The following NDEL1 variants were observed in gnomAD, a reference collection of about 807,000 sequenced individuals.
NDEL1 encodes the protein nuclear distribution protein nudE-like 1.
NDEL1 carries 9 observed loss-of-function variants against 45.7 expected under a neutral mutation model. The ratio of observed to expected loss-of-function variants is 0.20; its 90% CI spans 0.12 to 0.34. NDEL1 has a LOEUF of 0.34. Among genes scored for constraint, NDEL1 ranks in the 10% least tolerant of loss-of-function variants. The probability of loss-of-function intolerance (pLI) is 1.00; values close to 1 mark genes in which losing one functional copy is unlikely to be tolerated. For missense variants in NDEL1, 306 were observed against 406.2 expected (o/e 0.75, Z 2.12); for synonymous variants, 133 against 158.6 (o/e 0.84, Z 1.21).
At chr17:8,460,939 A>ATTTTT (rs1480918847) in intron 8 of NDEL1, among the ~76,000 whole-genome samples, 1 of 152,052 alleles carries the variant, frequency 6.6e-6, no homozygotes, top group Non-Finnish European at 1.5e-5. Context: ...TTACTTATTT[A>ATTTTT]TTTTTAAATA....
chr17:8,470,990 G>A (rs1488751537), downstream of NDEL1, among the ~76,000 whole-genome samples: 2 of 152,194 alleles, frequency 1.3e-5, no homozygotes, highest in Non-Finnish European at 2.9e-5. The surrounding 1 kb of genome is among the most constrained non-coding windows in gnomAD (Gnocchi z 4.2). Context: ...GTGGAGCCAC[G>A]GCTTTAGGGA....
intron 7 of NDEL1, among the ~76,000 whole-genome samples, chr17:8,458,677 G>T (rs1018543483): frequency 1.3e-5 from 2 of 152,014 alleles, no homozygotes; most frequent in African/African-American, 4.8e-5. Flanking sequence ...GTAGGTCATT[G>T]TACTTTTGTC....
At chr17:8,471,410 CAG>C (rs1911830664), downstream of NDEL1, among the ~76,000 whole-genome samples, 1 of 152,248 alleles carries the variant, frequency 6.6e-6, no homozygotes, top group African/African-American at 2.4e-5. Flanking sequence ...CGCCTACTGA[CAG>C]TGATTGTGAG....
At chr17:8,451,218 T>C (rs1910486654) in intron 6 of NDEL1, among the ~76,000 whole-genome samples, 6 of 152,208 alleles carry the variant, frequency 3.9e-5, no homozygotes. Flanking sequence ...GCAATAGATT[T>C]TGTGATTACA....
chr17:8,435,781 G>C, upstream of NDEL1: 2 of 366,846 alleles, frequency 5.5e-6, no homozygotes, highest in South Asian at 3.8e-5. Flanking sequence ...CCCGCCCCCT[G>C]TGACACCAGC....
At chr17:8,428,631 G>A (rs1908917265) in intron 1 of NDEL1, among the ~76,000 whole-genome samples, 1 of 151,920 alleles carries the variant, frequency 6.6e-6, no homozygotes, top group South Asian at 2.1e-4. Flanking sequence ...CCAAAGTGCT[G>A]GGATTATAGG....
intron 1 of NDEL1, among the ~76,000 whole-genome samples, chr17:8,430,747 A>C (rs562879018): frequency 1.4e-4 from 21 of 152,232 alleles, no homozygotes; most frequent in South Asian, 1.2e-3. Flanking sequence ...CACCTTTTTT[A>C]CCACCACAAG....
At chr17:8,470,077 C>T (rs549110712), downstream of NDEL1, among the ~76,000 whole-genome samples, 1 of 152,104 alleles carries the variant, frequency 6.6e-6, no homozygotes, top group East Asian at 1.9e-4. This position sits in a 1 kb window ranked among gnomAD's most constrained non-coding sequence, Gnocchi z 4.2. Context: ...GCAGCCAACT[C>T]CCTGGCTCAT....
upstream of NDEL1, chr17:8,432,310 T>TATATATTTATATATAA (rs1386334591): frequency 2.9e-4 from 37 of 126,144 alleles, no homozygotes; most frequent in East Asian, 7.8e-3. Flanking sequence ...AAGAGATATA[T>TATATATTTATATATAA]ATATATATTT....
chr17:8,421,456 C>G (rs1908704596), intron 1 of NDEL1, among the ~76,000 whole-genome samples: 1 of 152,138 alleles, frequency 6.6e-6, no homozygotes, highest in South Asian at 2.1e-4. Context: ...ATGATGGAAG[C>G]AGCTATTGGA....
In NDEL1 at chr17:8,448,574, C is replaced by T. The variant is rs766853688; in HGVS notation, c.414C>T (p.Asp138=). Residue 138 remains aspartate, a synonymous_variant, in exon 5 of 9, where the codon GAC becomes GAT. Coordinates refer to ENST00000334527, the MANE Select transcript of NDEL1 (RefSeq NM_030808.5). ...AKRATIVSLE[D]FEQRLNQAIE... ...GGGCAACAATAGTTTCACTGGAAGACTTTGAACAAAGGCTAAACCAGGCCA... is the reference window on the plus strand; with the variant it reads ...GGGCAACAATAGTTTCACTGGAAGATTTTGAACAAAGGCTAAACCAGGCCA... 3 of 1,613,734 alleles carry T rather than the reference C, an allele frequency of 1.9e-6. No individual in the cohort carries two copies. Among genetic ancestry groups the T allele is most frequent in the South Asian group, 1.1e-5 (1 of 91,050 alleles).
At chr17:8,460,186 A>G in intron 8 of NDEL1, 26 bp downstream of exon 8, 1 of 1,598,312 alleles carries the variant, frequency 6.3e-7, no homozygotes, top group Non-Finnish European at 8.5e-7. Context: ...TTTAAGTGAT[A>G]ATTTTTTGAG....
chr17:8,434,410 T>G (rs1478839930), upstream of NDEL1, among the ~76,000 whole-genome samples: 4 of 151,980 alleles, frequency 2.6e-5, no homozygotes, highest in African/African-American at 9.7e-5. Context: ...AGAGACAGGG[T>G]TTCACCATGT....
chr17:8,444,350 A>G lies in NDEL1; in HGVS notation c.79A>G (p.Lys27Glu). The change falls in exon 2 of 9, where the codon AAG (lysine) becomes GAG (glutamate). Residue 27 changes from lysine (K) to glutamate (E), a missense_variant. Physicochemically the swap from Lys to Glu is moderately conservative, Grantham distance 56 (BLOSUM62 1). This residue lies in a region of NDEL1 where 112 missense variants were observed against 148.3 expected (regional missense o/e 0.76). Coordinates refer to ENST00000334527, the MANE Select transcript of NDEL1 (RefSeq NM_030808.5). ...AYWKELSLKY[K>E]QSFQEARDEL... is the part of the protein sequence containing the mutation. ...TTGGAAGGAACTTTCCTTGAAGTATAAGCAAAGGTAATGTTGGAAAGCACA... is the reference window on the plus strand; with the variant it reads ...TTGGAAGGAACTTTCCTTGAAGTATGAGCAAAGGTAATGTTGGAAAGCACA... 6.2e-7 allele frequency: 1 copy of G among 1,610,004 alleles called. No homozygotes were observed. The highest frequency in any genetic ancestry group is 8.5e-7 in the Non-Finnish European group (1 of 1,176,850).
At chr17:8,425,783 C>CT (rs374111380) in intron 1 of NDEL1, among the ~76,000 whole-genome samples, 1,564 of 144,856 alleles carry the variant, frequency 0.011, 19 homozygotes, top group African/African-American at 0.034. Context: ...GGTTCTTTGT[C>CT]TTTTTTTTTT....
downstream of NDEL1, among the ~76,000 whole-genome samples, chr17:8,470,147 A>G (rs940392564): frequency 1.3e-4 from 20 of 152,070 alleles, no homozygotes; most frequent in African/African-American, 4.8e-4. This position sits in a 1 kb window ranked among gnomAD's most constrained non-coding sequence, Gnocchi z 4.2. Flanking sequence ...GGTCAGAGAG[A>G]GCATCTGCCA....
intron 1 of NDEL1, among the ~76,000 whole-genome samples, chr17:8,422,778 C>A (rs1908735733): frequency 6.6e-6 from 1 of 150,976 alleles, no homozygotes; most frequent in Non-Finnish European, 1.5e-5. Flanking sequence ...GCTCTGTCAC[C>A]CAGGCTGGAG....
At chr17:8,429,273 C>T (rs1024341620) in intron 1 of NDEL1, among the ~76,000 whole-genome samples, 1 of 152,190 alleles carries the variant, frequency 6.6e-6, no homozygotes, top group African/African-American at 2.4e-5. Context: ...TTCATTCTTT[C>T]ACTTTCGTTG....
intron 4 of NDEL1, among the ~76,000 whole-genome samples, chr17:8,447,687 A>G (rs754220556): frequency 3.0e-4 from 46 of 152,312 alleles, no homozygotes; most frequent in Middle Eastern, 3.4e-3. Context: ...GTGGCTTGCT[A>G]TCACTGTTGC....
Sources: allele counts gnomAD v4.1 joint callset (sites outside exome capture counted in the v4.1 genomes callset), GRCh38; gene constraint gnomAD v4.1.1; regional missense constraint gnomAD v4.1.1; non-coding constraint Gnocchi (gnomAD v3.1); transcripts MANE v1.5; gene names NCBI Gene and HGNC (gene_info 2026-07-23, HGNC 2026-07-21).